Variants in DMD observed in about 807,000 individuals in gnomAD.
The protein encoded by DMD is dystrophin, also known as mutant dystrophin.
Under a neutral mutation model 330.1 loss-of-function variants are expected in DMD, and 63 were observed. The observed-to-expected ratio is 0.19, with a 90% confidence interval of 0.16 to 0.24. The LOEUF is 0.24. DMD is among the 10% of genes least tolerant of loss of function. The pLI, the probability that DMD is intolerant of heterozygous loss-of-function variation, is 1.00. For synonymous variants in DMD, 1,223 were observed against 959.8 expected, an observed-to-expected ratio of 1.27 and a Z score of -5.07; for missense variants, 3,344 against 2,684.1, an observed-to-expected ratio of 1.25 and a Z score of -5.43.
At chrX:31,257,104 C>T (rs2050037881) in intron 63 of DMD, among the ~76,000 whole-genome samples, 1 of 107,766 alleles carries the variant, frequency 9.3e-6, no homozygotes, top group Non-Finnish European at 1.9e-5. Flanking sequence ...CACCTGAATG[C>T]TTTTGAGGGC....
At chrX:31,392,031 CA>C (rs762950486) in intron 60 of DMD, among the ~76,000 whole-genome samples, 1 of 111,489 alleles carries the variant, frequency 9.0e-6, no homozygotes, top group Non-Finnish European at 1.9e-5. Context: ...TCCACACACA[CA>C]AAAAAAAGTT....
At chrX:32,809,961 A>AAGAC (rs1194290319) in intron 6 of DMD, among the ~76,000 whole-genome samples, 1 of 96,823 alleles carries the variant, frequency 1.0e-5, no homozygotes, top group African/African-American at 3.5e-5. Flanking sequence ...GAAAGAAAGA[A>AAGAC]AGAAAGAAAA....
At chrX:31,510,357 C>T (rs2071366057) in intron 55 of DMD, among the ~76,000 whole-genome samples, 1 of 111,057 alleles carries the variant, frequency 9.0e-6, no homozygotes, top group Non-Finnish European at 1.9e-5. Flanking sequence ...ACACAGTAGT[C>T]ACTGAACCTG....
At chrX:31,124,404 C>T (rs968015805) in intron 78 of DMD, among the ~76,000 whole-genome samples, 4 of 111,830 alleles carry the variant, frequency 3.6e-5, no homozygotes, top group Non-Finnish European at 7.5e-5. Flanking sequence ...TAAGACTGCA[C>T]TGTGACATGA....
chrX:32,483,750 T>C (rs1281275612), intron 21 of DMD, among the ~76,000 whole-genome samples: 1 of 95,772 alleles, frequency 1.0e-5, no homozygotes, highest in Non-Finnish European at 2.0e-5. Flanking sequence ...TAGAGGGAGC[T>C]GATACTATTT....
chrX:31,569,221 T>C (rs753497657), intron 55 of DMD, among the ~76,000 whole-genome samples: 1 of 110,975 alleles, frequency 9.0e-6, no homozygotes, highest in African/African-American at 3.3e-5. Flanking sequence ...TCCTTTCTGT[T>C]TAGAGAATGT....
At chrX:32,966,963 C>T (rs2092182135) in intron 2 of DMD, among the ~76,000 whole-genome samples, 1 of 112,062 alleles carries the variant, frequency 8.9e-6, no homozygotes, top group Admixed American at 9.5e-5. Context: ...AAAGCCAACA[C>T]TACCCATGAT....
At chrX:31,759,184 G>C (rs1315506037) in intron 51 of DMD, among the ~76,000 whole-genome samples, 2 of 109,818 alleles carry the variant, frequency 1.8e-5, no homozygotes, top group Non-Finnish European at 1.9e-5. Flanking sequence ...ATTTCAGGAG[G>C]GGGTGAAGTA....
At chrX:33,298,784 A>G (rs1481408820) in intron 1 of DMD, among the ~76,000 whole-genome samples, 2 of 111,730 alleles carry the variant, frequency 1.8e-5, no homozygotes, top group Non-Finnish European at 3.8e-5. Flanking sequence ...GATAGGTCTG[A>G]GAGAAAACAG....
intron 62 of DMD, among the ~76,000 whole-genome samples, chrX:31,309,218 C>G (rs745866346): frequency 5.4e-4 from 61 of 112,019 alleles, no homozygotes; most frequent in African/African-American, 1.9e-3. Context: ...TACAGCTGAA[C>G]TGAGGAGACA....
intron 44 of DMD, among the ~76,000 whole-genome samples, chrX:32,178,830 G>GGGGT (rs1418117121): frequency 2.0e-5 from 2 of 99,176 alleles, no homozygotes; most frequent in Admixed American, 2.2e-4. Flanking sequence ...TATTCCAGGG[G>GGGGT]GTGTGTGTGT....
intron 25 of DMD, among the ~76,000 whole-genome samples, chrX:32,460,817 T>C (rs191960932): frequency 5.4e-5 from 6 of 111,899 alleles, no homozygotes; most frequent in Admixed American, 1.9e-4. Flanking sequence ...AGGGTTCTTA[T>C]TGCTACATTC....
At chrX:32,729,432 T>C (rs984567556) in intron 7 of DMD, among the ~76,000 whole-genome samples, 2 of 111,926 alleles carry the variant, frequency 1.8e-5, no homozygotes, top group Admixed American at 9.5e-5. Flanking sequence ...TTCATGTTAA[T>C]GAATATTTTG....
At chrX:31,943,918 AGAGAGAGAG>A (rs1293531796) in intron 45 of DMD, among the ~76,000 whole-genome samples, 5 of 97,311 alleles carry the variant, frequency 5.1e-5, no homozygotes, top group African/African-American at 2.0e-4. Flanking sequence ...AGAGAGAGAG[AGAGAGAGAG>A]AAAAGGGAAC....
chrX:31,656,966 T>G (rs1258791396), intron 54 of DMD, among the ~76,000 whole-genome samples: 2 of 111,716 alleles, frequency 1.8e-5, no homozygotes, highest in African/African-American at 6.5e-5. Flanking sequence ...CTCTCTAATG[T>G]CTAGCTCAGT....
At chrX:32,409,421 G>A (rs909143850) in intron 30 of DMD, among the ~76,000 whole-genome samples, 2 of 111,096 alleles carry the variant, frequency 1.8e-5, no homozygotes, top group African/African-American at 3.3e-5. Flanking sequence ...TTTTATTGTA[G>A]TATTTTTTTA....
At chrX:33,083,621 C>G (rs188407747) in intron 1 of DMD, among the ~76,000 whole-genome samples, 16 of 111,634 alleles carry the variant, frequency 1.4e-4, no homozygotes, top group African/African-American at 5.2e-4. Flanking sequence ...TTCTGAGATC[C>G]CTTTCACATA....
At chrX:31,149,998 TTGAG>T (rs1284770248) in intron 74 of DMD, among the ~76,000 whole-genome samples, 2 of 112,187 alleles carry the variant, frequency 1.8e-5, no homozygotes, top group African/African-American at 3.2e-5. Flanking sequence ...AAAATGTTCA[TTGAG>T]TACTTGAAAT....
chrX:32,529,212 AC>A (rs1433447703), intron 17 of DMD, among the ~76,000 whole-genome samples: 9 of 106,717 alleles, frequency 8.4e-5, no homozygotes, highest in African/African-American at 2.7e-4. Flanking sequence ...GGTGTGAGCC[AC>A]CGCGCCAGGT....
Sources: allele counts gnomAD v4.1 joint callset (sites outside exome capture counted in the v4.1 genomes callset), GRCh38; gene constraint gnomAD v4.1.1; transcripts MANE v1.5; gene names NCBI Gene and HGNC (gene_info 2026-07-23, HGNC 2026-07-21).